ABCA13: variants seen among roughly 807,000 people sequenced by gnomAD.
ABCA13 encodes ATP binding cassette subfamily A member 13, also known as ATP-binding cassette sub-family A member 13.
A neutral mutation model predicts 478.7 loss-of-function variants in ABCA13; 476 were observed. The observed-to-expected ratio is 0.99, with a 90% CI of 0.92 to 1.07. The LOEUF is 1.07. Among genes scored for constraint, ABCA13 ranks in the 50% least tolerant of loss-of-function variants. ABCA13 has a pLI of 0.00. For missense variants in ABCA13, 6,060 were observed against 5,910.6 expected (o/e 1.03, Z -0.83); for synonymous variants, 2,252 against 2,158.9 (o/e 1.04, Z -1.20).
At chr7:48,441,966 A>T (rs1362031034) in intron 42 of ABCA13, among the ~76,000 whole-genome samples, 1 of 152,246 alleles carries the variant, frequency 6.6e-6, no homozygotes, top group Non-Finnish European at 1.5e-5. Context: ...TAAATGTTGG[A>T]GGAACATGTA....
rs1462000882 is a variant in ABCA13, at chr7:48,229,892, C to T, written c.700C>T (p.Leu234Phe). ...LNQTFSQVSE[L>F]VLNVTISTLT... ...CCAAACTTTTTCCCAGGTTTCTGAA[C>T]TTGTACTGAATGTGACCATTTCGAC... The change falls in exon 7 of 62, where the codon CTT becomes TTT. Residue 234 changes from leucine (L) to phenylalanine (F), a missense_variant. Around this residue, in one of 3 missense-constraint regions of ABCA13, gnomAD observed 4,423 missense variants for 4,309.1 expected, o/e 1.03. Transcript: ENST00000435803. 9 of 1,614,008 alleles carry T rather than the reference C, an allele frequency of 5.6e-6. No individual in the cohort carries two copies. In the South Asian group the frequency reaches 8.8e-5, roughly 16 times the overall value.
chr7:48,599,331 A>G (rs1425619396), intron 58 of ABCA13, among the ~76,000 whole-genome samples: 1 of 151,196 alleles, frequency 6.6e-6, no homozygotes, highest in Non-Finnish European at 1.5e-5. Context: ...ATCATTTTAA[A>G]TTTGTTATGA....
At chr7:48,353,674 C>T (rs1809419517) in intron 31 of ABCA13, among the ~76,000 whole-genome samples, 1 of 151,672 alleles carries the variant, frequency 6.6e-6, no homozygotes, top group South Asian at 2.1e-4. Context: ...TGATAGGCTG[C>T]ATACATAATA....
At position 48,477,205 on chromosome 7, in the gene ABCA13, A is replaced by T. The variant is rs1828199537; in HGVS notation, c.12976-3831A>T. Among the ~76,000 whole-genome samples, 6 of 152,198 alleles carry T rather than the reference A, an allele frequency of 3.9e-5. No homozygotes were observed. The South Asian group carries it at 1.2e-3, about 31-fold the overall frequency. ...GATAATGGTTAGAATGAGACCAAGG[A>T]TATTTTCTCATGATCATTAAAAAGT... On this transcript the variant is annotated intron_variant, in intron 45 of 61. Coordinates refer to ENST00000435803, the MANE Select transcript of ABCA13 (RefSeq NM_152701.5).
chr7:48,372,894 C>G (rs569239447), intron 33 of ABCA13, among the ~76,000 whole-genome samples: 1 of 152,300 alleles, frequency 6.6e-6, no homozygotes, highest in South Asian at 2.1e-4. Context: ...GGAAAAATCT[C>G]TCTGTTAGCA....
In ABCA13 at chr7:48,219,883, AACACACACAC is replaced by A. The variant is rs3065570; in HGVS notation, c.439+420_439+429del. On this transcript the variant is annotated intron_variant, in intron 4 of 61. Transcript: ENST00000435803. ...TTAAAATCTGTCCCCACCTTCCCCAAACACACACACACACACACACACACACACACACACA... is the reference window on the plus strand; with the variant it reads ...TTAAAATCTGTCCCCACCTTCCCCAAACACACACACACACACACACACACA... Among the ~76,000 whole-genome samples, 998 of 126,540 alleles carry A rather than the reference AACACACACAC, an allele frequency of 7.9e-3. 14 individuals are homozygous for A. Among genetic ancestry groups the A allele is most frequent in the East Asian group, 0.028 (118 of 4,246 alleles). 83.0% of individuals were successfully genotyped at this position (126,540 alleles called of 152,430 possible).
intron 55 of ABCA13, among the ~76,000 whole-genome samples, chr7:48,577,572 A>G (rs1370104461): frequency 6.6e-6 from 1 of 152,206 alleles, no homozygotes; most frequent in Non-Finnish European, 1.5e-5. Context: ...TATCATTGAA[A>G]GAAATTGAAT....
chr7:48,286,308 A>G (rs1026081760), intron 19 of ABCA13, among the ~76,000 whole-genome samples: 3 of 152,024 alleles, frequency 2.0e-5, no homozygotes, highest in Non-Finnish European at 4.4e-5. Context: ...CTGCCTGAAA[A>G]ATCCTCTGTG....
intron 1 of ABCA13, among the ~76,000 whole-genome samples, chr7:48,172,443 T>C (rs1397686439): frequency 6.6e-6 from 1 of 152,198 alleles, no homozygotes; most frequent in African/African-American, 2.4e-5. Flanking sequence ...TTAAAGGAGA[T>C]GTTTTCTTTT....
At chr7:48,208,221 A>G (rs1350379702) in intron 3 of ABCA13, among the ~76,000 whole-genome samples, 16 of 152,134 alleles carry the variant, frequency 1.1e-4, no homozygotes, top group African/African-American at 3.6e-4. Flanking sequence ...GAAATCAGGT[A>G]ATGTGATGCC....
At chr7:48,244,428 C>T (rs2128672469) in intron 10 of ABCA13, 148 bp from the exon 11 acceptor site, 1 of 945,232 alleles carries the variant, frequency 1.1e-6, no homozygotes, top group Non-Finnish European at 1.5e-6. Context: ...TGTCAAGAAC[C>T]TGGTTGTGTG....
intron 23 of ABCA13, among the ~76,000 whole-genome samples, chr7:48,306,848 G>C (rs531977080): frequency 6.6e-6 from 1 of 152,304 alleles, no homozygotes; most frequent in African/African-American, 2.4e-5. Context: ...TCCCTATGCG[G>C]GTATTTTTTA....
At chr7:48,277,795 C>G (rs932548423) in intron 17 of ABCA13, among the ~76,000 whole-genome samples, 8 of 152,118 alleles carry the variant, frequency 5.3e-5, no homozygotes, top group African/African-American at 1.9e-4. Flanking sequence ...ACTTTCTTTC[C>G]TAAGTAAAAG....
chr7:48,464,105 T>C (rs978116336), intron 43 of ABCA13, among the ~76,000 whole-genome samples: 1 of 152,190 alleles, frequency 6.6e-6, no homozygotes, highest in African/African-American at 2.4e-5. Context: ...TCGAGAATCA[T>C]AGGTAGTAAT....
chr7:48,379,216 G>T (rs138728501), intron 35 of ABCA13, among the ~76,000 whole-genome samples: 2 of 152,250 alleles, frequency 1.3e-5, no homozygotes, highest in South Asian at 4.2e-4. Context: ...TTGGCAATTT[G>T]CATATTCTTA....
intron 37 of ABCA13, 74 bp from the exon 38 acceptor site, chr7:48,391,846 TG>T: frequency 7.0e-7 from 1 of 1,429,406 alleles, no homozygotes; most frequent in Non-Finnish European, 9.7e-7. Context: ...TGCGCCATCC[TG>T]GAGCTGACTG....
At chr7:48,589,641 C>T (rs1170703974) in intron 57 of ABCA13, among the ~76,000 whole-genome samples, 1 of 152,198 alleles carries the variant, frequency 6.6e-6, no homozygotes, top group African/African-American at 2.4e-5. Flanking sequence ...TACAGTCCCT[C>T]TCTTAGTTCA....
At chr7:48,329,625 CCATCCATCCATG>C (rs924000271) in intron 27 of ABCA13, among the ~76,000 whole-genome samples, 2 of 151,832 alleles carry the variant, frequency 1.3e-5, no homozygotes, top group African/African-American at 4.8e-5. Flanking sequence ...GTCCATCCAT[CCATCCATCCATG>C]CATCCATCCA....
At chr7:48,220,881 C>G (rs192838678) in intron 4 of ABCA13, among the ~76,000 whole-genome samples, 8 of 152,202 alleles carry the variant, frequency 5.3e-5, no homozygotes, top group Admixed American at 5.2e-4. Flanking sequence ...TTAAAATAAT[C>G]TGAAAAATTA....
Sources: gnomAD v4.1 joint callset for allele counts (sites outside exome capture counted in the v4.1 genomes callset) on GRCh38, gnomAD v4.1.1 for gene constraint, gnomAD v4.1.1 regional missense constraint, MANE v1.5 for transcripts, NCBI Gene and HGNC (gene_info 2026-07-23, HGNC 2026-07-21) for gene names.